Variants in OR52H1 observed in about 807,000 individuals in gnomAD.
OR52H1 encodes the protein olfactory receptor family 52 subfamily H member 1, also known as olfactory receptor 52H1.
For missense variants in OR52H1, 383 were observed against 396.4 expected (o/e 0.97, Z 0.29); for synonymous variants, 148 against 138.6 (o/e 1.07, Z -0.48).
rs1203457177 is a variant in OR52H1 at position 5,547,637 on chromosome 11, A to ATG, written c.-31+814_-31+815insCA. 4.1e-3 allele frequency among the ~76,000 whole-genome samples: 589 copies of ATG among 144,502 alleles called. 6 individuals carry two copies. Among genetic ancestry groups the ATG allele is most frequent in the African/African-American group, 0.015 (553 of 37,676 alleles). The allele number at this position is 144,502 out of a possible 152,430, so 94.8% of individuals were successfully genotyped here. A position where few individuals can be genotyped will look rare whatever the true frequency, so the allele number is the denominator to read the frequency against. ...ATAATTATTATTAGGACAAAATGAT[A>ATG]CACATTGAAAAAAGAATTTTTTTTT... is the stretch of plus-strand genomic sequence containing the variant. On this transcript the variant is annotated intron_variant, in intron 1 of 1. Coordinates refer to ENST00000322653, the MANE Select transcript of OR52H1 (RefSeq NM_001005289.5).
Position 5,544,677 on chromosome 11 carries a change from T to G in OR52H1, c.829A>C (p.Met277Leu). The change falls in exon 2 of 2, where the codon ATG (methionine) becomes CTG (leucine). Residue 277 changes from methionine to leucine, a missense_variant. Transcript: ENST00000322653. ...ATAACAATGTAGAGATTGGCAAACA[T>G]GATGTGGAAGGTGCGAGAGACATTG... ...GHNVSRTFHI[M>L]FANLYIVIPP... 6.2e-7 allele frequency: 1 copy of G among 1,613,674 alleles called. No individual in the cohort carries two copies. Among genetic ancestry groups the G allele is most frequent in the East Asian group, 2.2e-5 (1 of 44,870 alleles).
In OR52H1 at chr11:5,544,910, C is replaced by T. The variant is rs1171471308; in HGVS notation, c.596G>A (p.Trp199Ter). The T allele has an allele frequency of 1.2e-6, 2 of 1,613,918 alleles. No homozygotes were observed. Among genetic ancestry groups the T allele is most frequent in the Non-Finnish European group, 8.5e-7 (1 of 1,179,900 alleles). ...LACADISINFWYGFCVPIMTV... is the reference protein window; with the variant it reads ...LACADISINF ...CATGATGGGAACACAAAAGCCATAC[C>T]AGAAGTTGATGGAGATATCAGCACA... is the stretch of plus-strand genomic sequence containing the variant. The change falls in exon 2 of 2, where the codon TGG becomes TAG. Residue 199 changes from tryptophan (W) to a stop codon, truncating the protein, a stop_gained. Transcript: ENST00000322653. LOFTEE classifies it low-confidence loss of function (END_TRUNC).
intron 1 of OR52H1, among the ~76,000 whole-genome samples, chr11:5,547,913 G>A (rs1484964884): frequency 1.3e-5 from 2 of 152,304 alleles, no homozygotes; most frequent in African/African-American, 2.4e-5. Context: ...CCAAAGTGCT[G>A]GGATTATAGG....
intron 1 of OR52H1, among the ~76,000 whole-genome samples, chr11:5,547,746 A>T (rs998504729): frequency 6.6e-6 from 1 of 152,028 alleles, no homozygotes; most frequent in Non-Finnish European, 1.5e-5. Context: ...CCATGGTTCA[A>T]GTGATTCTCC....
chr11:5,546,482 C>T lies in OR52H1; in HGVS notation c.-30-947G>A, dbSNP rs1169919200. On this transcript the variant is annotated intron_variant, in intron 1 of 1. Coordinates refer to ENST00000322653, the MANE Select transcript of OR52H1 (RefSeq NM_001005289.5). ...TCTTACACAATTACAAGCCCCCTGT[C>T]CTCCCATCTTCCCCCGACACATGTG... is the stretch of plus-strand genomic sequence containing the variant. Among the ~76,000 whole-genome samples the T allele has an allele frequency of 2.6e-5, 4 of 151,978 alleles. No homozygotes were observed. In the East Asian group the frequency reaches 7.7e-4, roughly 29 times the overall value.
At position 5,545,262 on chromosome 11, in the gene OR52H1, T is replaced by C. The variant is rs143498677; in HGVS notation, c.244A>G (p.Lys82Glu). The C allele has an allele frequency of 3.1e-6, 5 of 1,614,044 alleles. No homozygotes were observed. Among genetic ancestry groups the C allele is most frequent in the Non-Finnish European group, 1.7e-6 (2 of 1,180,030 alleles). Residue 82 changes from lysine (K) to glutamate (E), a missense_variant, in exon 2 of 2, where the codon AAA becomes GAA. Physicochemically the swap from Lys to Glu is moderately conservative, Grantham distance 56 (BLOSUM62 1). Transcript: ENST00000322653. The stretch of plus-strand genomic sequence containing the variant: ...CCTAGCCAAAAGATACTGAGTGCTT[T>C]AGGCACACCAGCTGTGGACAAGATG... ...DLILSTAGVP[K>E]ALSIFWLGAR... is the part of the protein sequence containing the mutation.
chr11:5,546,423 T>C (rs1209252572), intron 1 of OR52H1, among the ~76,000 whole-genome samples: 1 of 152,206 alleles, frequency 6.6e-6, no homozygotes, highest in Non-Finnish European at 1.5e-5. Context: ...CATTCTGTCA[T>C]ATATTTTGCC....
Position 5,544,829 on chromosome 11 carries a change from G to A in OR52H1, c.677C>T (p.Ala226Val), listed in dbSNP as rs1846825725. 2 of 1,614,030 alleles carry A rather than the reference G, an allele frequency of 1.2e-6. No individual in the cohort carries two copies. The highest frequency in any genetic ancestry group is 1.7e-6 in the Non-Finnish European group (2 of 1,180,010). ...IAVSYAHILC[A>V]VFGLPSQDAC... is the part of the protein sequence containing the mutation. ...ATCTTGGGAGGGAAGGCCAAAGACA[G>A]CACAGAGGATGTGTGCGTAGGAAAC... The change falls in exon 2 of 2, where the codon GCT becomes GTT. Residue 226 changes from alanine (A) to valine (V), a missense_variant. Physicochemically the swap from Ala to Val is moderately conservative, Grantham distance 64. Coordinates refer to ENST00000322653, the MANE Select transcript of OR52H1 (RefSeq NM_001005289.5).
chr11:5,545,576 ACT>A (rs1846842467), intron 1 of OR52H1, 41 bp from the exon 2 acceptor site: 14 of 1,525,112 alleles, frequency 9.2e-6, no homozygotes, highest in Non-Finnish European at 1.1e-5. Context: ...AACTTGAGTA[ACT>A]CTCAAACTTT....
Position 5,544,663 on chromosome 11 carries a change from G to A in OR52H1, c.843C>T (p.Leu281=). Residue 281 remains leucine, a synonymous_variant, in exon 2 of 2, where the codon CTC becomes CTT. Transcript: ENST00000322653. ...SRTFHIMFAN[L]YIVIPPALNP... is the part of the protein sequence containing the mutation. ...TGAGTGCAGGTGGGATAACAATGTA[G>A]AGATTGGCAAACATGATGTGGAAGG... is the stretch of plus-strand genomic sequence containing the variant. 2 of 1,614,150 alleles carry A rather than the reference G, an allele frequency of 1.2e-6. No homozygotes were observed. Among genetic ancestry groups the A allele is most frequent in the Non-Finnish European group, 1.7e-6 (2 of 1,180,032 alleles).
Position 5,544,645 on chromosome 11 carries a change from AGG to A in OR52H1, c.859_860del (p.Pro287CysfsTer17), listed in dbSNP as rs762886137. On this transcript the variant is annotated frameshift_variant, in exon 2 of 2. Transcript: ENST00000322653. LOFTEE classifies it low-confidence loss of function (END_TRUNC). ...MFANLYIVIP[P>X]ALNPMVYGVK... ...CTCCGTAAACCATGGGGTTGAGTGC[AGG>A]TGGGATAACAATGTAGAGATTGGCA... is the stretch of plus-strand genomic sequence containing the variant. 6.2e-7 allele frequency: 1 copy of A among 1,614,160 alleles called. No individual in the cohort carries two copies. Among genetic ancestry groups the A allele is most frequent in the Admixed American group, 1.7e-5 (1 of 60,006 alleles).
At chr11:5,547,986 T>C (rs1846875173) in intron 1 of OR52H1, among the ~76,000 whole-genome samples, 1 of 152,212 alleles carries the variant, frequency 6.6e-6, no homozygotes, top group Non-Finnish European at 1.5e-5. Flanking sequence ...ATAGTAAGCA[T>C]GTAACAAGTT....
chr11:5,546,891 A>G (rs1846863376), intron 1 of OR52H1, among the ~76,000 whole-genome samples: 1 of 152,240 alleles, frequency 6.6e-6, no homozygotes, highest in South Asian at 2.1e-4. Context: ...AATATTAGAT[A>G]AGGAAAATCC....
rs1402801813 is a variant in OR52H1 at position 5,544,915 on chromosome 11, G to A, written c.591C>T (p.Asn197=). ...AQLACADISI[N]FWYGFCVPIM... ...TGGGAACACAAAAGCCATACCAGAAGTTGATGGAGATATCAGCACAGGCGA... is the reference window on the plus strand; with the variant it reads ...TGGGAACACAAAAGCCATACCAGAAATTGATGGAGATATCAGCACAGGCGA... Residue 197 remains asparagine (N), a synonymous_variant, in exon 2 of 2, where the codon AAC becomes AAT. Coordinates refer to ENST00000322653, the MANE Select transcript of OR52H1 (RefSeq NM_001005289.5). 2 of 1,614,030 alleles carry A rather than the reference G, an allele frequency of 1.2e-6. No homozygotes were observed. Among genetic ancestry groups the A allele is most frequent in the Non-Finnish European group, 8.5e-7 (1 of 1,179,922 alleles).
intron 1 of OR52H1, among the ~76,000 whole-genome samples, chr11:5,548,206 C>G (rs1846879341): frequency 6.6e-6 from 1 of 152,192 alleles, no homozygotes; most frequent in African/African-American, 2.4e-5. Flanking sequence ...TTTCCTAACA[C>G]TGCTAACTGT....
Position 5,545,527 on chromosome 11 carries a change from T to C in OR52H1, c.-22A>G, listed in dbSNP as rs911402604. On this transcript the variant is annotated 5_prime_UTR_variant, in exon 2 of 2. Coordinates refer to ENST00000322653, the MANE Select transcript of OR52H1 (RefSeq NM_001005289.5). ...TCATGGCAGAGGCAGATGGCATAAA[T>C]CTCAGCCCCTAAAGACAGAGGGTGA... 8.7e-6 allele frequency: 14 copies of C among 1,610,012 alleles called. No individual in the cohort carries two copies. The highest frequency in any genetic ancestry group is 1.7e-5 in the Admixed American group (1 of 59,822).
Position 5,544,565 on chromosome 11 carries a change from C to G in OR52H1, c.941G>C (p.Gly314Ala). The G allele has an allele frequency of 6.3e-7, 1 of 1,585,468 alleles. No homozygotes were observed. The change falls in exon 2 of 2, where the codon GGA (glycine) becomes GCA (alanine). Residue 314 changes from glycine (G) to alanine (A), a missense_variant. Gly to Ala is a moderately conservative substitution (Grantham distance 60, BLOSUM62 0). Transcript: ENST00000322653. ...KVILLFSKGT[G>A] ...TAAACTTATCCTAGTAAAACATCATCCTGTACCCTTAGAAAACAAAAGTAT... is the reference window on the plus strand; with the variant it reads ...TAAACTTATCCTAGTAAAACATCATGCTGTACCCTTAGAAAACAAAAGTAT...
chr11:5,545,116 A>C lies in OR52H1; in HGVS notation c.390T>G (p.Ser130=). The change falls in exon 2 of 2, where the codon TCT becomes TCG. Residue 130 remains serine (S), a synonymous_variant. Coordinates refer to ENST00000322653, the MANE Select transcript of OR52H1 (RefSeq NM_001005289.5). ...TCAAGATGGTGGTATATCTCAAGGG[A>C]GAACAGATAGCTACATAGTGATCAA... is the stretch of plus-strand genomic sequence containing the variant. The part of the protein sequence containing the change: ...MAFDHYVAIC[S]PLRYTTILTP... The C allele has an allele frequency of 6.2e-7, 1 of 1,614,146 alleles. No homozygotes were observed. Among genetic ancestry groups the C allele is most frequent in the Non-Finnish European group, 8.5e-7 (1 of 1,179,998 alleles).
chr11:5,545,974 C>A (rs114484393), intron 1 of OR52H1, among the ~76,000 whole-genome samples: 230 of 152,118 alleles, frequency 1.5e-3, no homozygotes, highest in African/African-American at 5.2e-3. Context: ...CTGTCTCTGC[C>A]CCCAAGACAA....
Sources: gnomAD v4.1 joint callset for allele counts (sites outside exome capture counted in the v4.1 genomes callset) on GRCh38, gnomAD v4.1.1 for gene constraint, MANE v1.5 for transcripts, NCBI Gene and HGNC (gene_info 2026-07-23, HGNC 2026-07-21) for gene names.